The following KRT73 variants were observed in gnomAD, a reference collection of about 807,000 sequenced individuals.
KRT73 encodes keratin, type II cytoskeletal 73.
In KRT73, 44 loss-of-function variants were observed where a neutral mutation model predicts 47.2. The observed-to-expected ratio is 0.93, with a 90% CI of 0.73 to 1.20. The LOEUF is 1.20. Ranked by LOEUF, KRT73 falls within the 50% of genes most tolerant of loss-of-function variation. The pLI, the probability that KRT73 is intolerant of heterozygous loss-of-function variation, is 0.00. For synonymous variants in KRT73, 285 were observed against 291.3 expected (o/e 0.98, Z 0.22); for missense variants, 713 against 704.5 (o/e 1.01, Z -0.14).
At chr12:52,614,273 A>G in intron 4 of KRT73, 1 of 376,342 alleles carries the variant, frequency 2.7e-6, no homozygotes, top group Non-Finnish European at 4.8e-6. Flanking sequence ...CCAAGACCCC[A>G]GGAAACATCC....
chr12:52,626,059 T>G, the KRT73 span, among the ~76,000 whole-genome samples: 3 of 152,244 alleles, frequency 2.0e-5, no homozygotes, highest in Non-Finnish European at 4.4e-5. Flanking sequence ...AAATTTGTGA[T>G]GATGGTAAAG....
In KRT73 at chr12:52,618,277, C is replaced by T. The variant is rs1940850841; in HGVS notation, c.248G>A (p.Gly83Asp). ...FGRGRASGFA[G>D]SMFGSVALGS... is the part of the protein sequence containing the mutation. The stretch of plus-strand genomic sequence containing the variant: ...CAAGGCCACACTGCCAAACATGCTG[C>T]CAGCAAAGCCACTGGCCCGGCCCCG... The change falls in exon 1 of 9, where the codon GGC (glycine) becomes GAC (aspartate). Residue 83 changes from glycine to aspartate, a missense_variant. Coordinates refer to ENST00000305748, the MANE Select transcript of KRT73 (RefSeq NM_175068.3). The T allele has an allele frequency of 1.9e-6, 3 of 1,614,202 alleles. No homozygotes were observed. Among genetic ancestry groups the T allele is most frequent in the Non-Finnish European group, 1.7e-6 (2 of 1,180,034 alleles).
intron 5 of KRT73, among the ~76,000 whole-genome samples, chr12:52,611,847 C>T (rs1940709778): frequency 6.6e-6 from 1 of 152,116 alleles, no homozygotes; most frequent in Admixed American, 6.5e-5. Flanking sequence ...TAGCTAGCTC[C>T]AACTTAACCA....
At position 52,613,757 on chromosome 12, in the gene KRT73, C is replaced by T. The variant is rs1312940565; in HGVS notation, c.915G>A (p.Glu305=). ...CGATCTCCTCATACTGGGCACGGAC[C>T]TCAGCAATGATGCTGTCCAGGTCCA... ...RNLDLDSIIA[E]VRAQYEEIAR... Residue 305 remains glutamate (E), a synonymous_variant, in exon 5 of 9, where the codon GAG becomes GAA. Coordinates refer to ENST00000305748, the MANE Select transcript of KRT73 (RefSeq NM_175068.3). 3 of 1,614,112 alleles carry T rather than the reference C, an allele frequency of 1.9e-6. No individual in the cohort carries two copies. The highest frequency in any genetic ancestry group is 2.7e-5 in the African/African-American group (2 of 74,944).
upstream of KRT73, among the ~76,000 whole-genome samples, chr12:52,619,977 G>T (rs677346): frequency 0.069 from 10,444 of 151,602 alleles, 832 homozygotes; most frequent in Admixed American, 0.16. Context: ...CCTCCCCTCT[G>T]TTTTATACAA....
Position 52,611,313 on chromosome 12 carries a change from A to G in KRT73, c.1001T>C (p.Leu334Pro). ...GTCATCCCCATGCCGGCCGGCTGCT[A>G]GCTGCAGCTCCTGGAACTAGAGGAA... is the stretch of plus-strand genomic sequence containing the variant. Reference protein sequence around the residue: ...LYQTKFQELQLAAGRHGDDLK... With the variant: ...LYQTKFQELQPAAGRHGDDLK... The change falls in exon 6 of 9, where the codon CTA becomes CCA. Residue 334 changes from leucine to proline, a missense_variant. Coordinates refer to ENST00000305748, the MANE Select transcript of KRT73 (RefSeq NM_175068.3). 1 of 1,614,082 alleles carries G rather than the reference A, an allele frequency of 6.2e-7. No homozygotes were observed. Among genetic ancestry groups the G allele is most frequent in the Non-Finnish European group, 8.5e-7 (1 of 1,180,012 alleles).
chr12:52,618,477 G>T lies in KRT73; in HGVS notation c.48C>A (p.Gly16=), dbSNP rs1940858267. The change falls in exon 1 of 9, where the codon GGC becomes GGA. Residue 16 remains glycine (G), a synonymous_variant. Transcript: ENST00000305748. ...AGAGCACAGCGGAGCAGCCGCTGAA[G>T]CCCCCCTTGGCAGCAGCTCCCGACT... ...TYKSGAAAKG[G]FSGCSAVLSG... is the part of the protein sequence containing the mutation. 1 of 1,611,506 alleles carries T rather than the reference G, an allele frequency of 6.2e-7. No individual in the cohort carries two copies. Among genetic ancestry groups the T allele is most frequent in the Non-Finnish European group, 8.5e-7 (1 of 1,178,784 alleles).
the KRT73 span, among the ~76,000 whole-genome samples, chr12:52,626,141 T>C: frequency 2.6e-5 from 4 of 152,256 alleles, no homozygotes; most frequent in Non-Finnish European, 5.9e-5. Context: ...CAATGTTTAC[T>C]GAGCACATTA....
chr12:52,609,402 T>G lies in KRT73; in HGVS notation c.1332-121A>C. Reference sequence around the variant, plus strand: ...AGCTCAGCCTTCACGCACCCCACACTTGCCAGATGGCACTGGCTGCCCTTG... The same window carrying G: ...AGCTCAGCCTTCACGCACCCCACACGTGCCAGATGGCACTGGCTGCCCTTG... On this transcript the variant is annotated intron_variant, in intron 7 of 8. Transcript: ENST00000305748. 3.8e-6 allele frequency: 3 copies of G among 797,510 alleles called. No individual in the cohort carries two copies. In the South Asian group the frequency reaches 4.1e-5, roughly 11 times the overall value. The allele number at this position is 797,510 out of a possible 1,614,324, so 49.4% of individuals were successfully genotyped here. A position where few individuals can be genotyped will look rare whatever the true frequency, so the allele number is the denominator to read the frequency against.
the KRT73 span, among the ~76,000 whole-genome samples, chr12:52,625,758 C>T: frequency 6.6e-6 from 1 of 151,910 alleles, no homozygotes; most frequent in Admixed American, 6.6e-5. Flanking sequence ...GGTGGCAAAC[C>T]GTGGTACATT....
At position 52,615,316 on chromosome 12, in the gene KRT73, C is replaced by T. The variant is rs149939112; in HGVS notation, c.686G>A (p.Arg229His). The change falls in exon 3 of 9, where the codon CGC (arginine) becomes CAC (histidine). Residue 229 changes from arginine to histidine, a missense_variant. By Grantham distance (29) the Arg-to-His change is conservative. Coordinates refer to ENST00000305748, the MANE Select transcript of KRT73 (RefSeq NM_175068.3). Reference sequence around the variant, plus strand: ...CACAAATTCATTCTCAGCAGTTGTGCGCTTGTTTATTTCTTCTTCATACCT... The same window carrying T: ...CACAAATTCATTCTCAGCAGTTGTGTGCTTGTTTATTTCTTCTTCATACCT... The part of the protein sequence containing the change: ...KKRYEEEINK[R>H]TTAENEFVVL... 149 of 1,613,846 alleles carry T rather than the reference C, an allele frequency of 9.2e-5. No homozygotes were observed. The highest frequency in any genetic ancestry group is 1.1e-4 in the Non-Finnish European group (126 of 1,179,932).
chr12:52,625,484 C>T, the KRT73 span, among the ~76,000 whole-genome samples: 1 of 152,156 alleles, frequency 6.6e-6, no homozygotes, highest in Non-Finnish European at 1.5e-5. Flanking sequence ...AGTGGCAACA[C>T]TACATGCTGG....
chr12:52,614,223 G>T (rs1304492093), intron 4 of KRT73: 4 of 341,278 alleles, frequency 1.2e-5, no homozygotes, highest in African/African-American at 2.1e-5. Context: ...AGGCAGAAGG[G>T]GTATGAGGAC....
chr12:52,614,577 AC>A lies in KRT73; in HGVS notation c.819+1del. 1 of 1,610,090 alleles carries A rather than the reference AC, an allele frequency of 6.2e-7. No individual in the cohort carries two copies. The highest frequency in any genetic ancestry group is 8.5e-7 in the Non-Finnish European group (1 of 1,177,100). ...CCAGAGGTGGGGCAGGGGGAGCCTT[AC>A]CCCCTCGTACAGACACTTGAAGAAC... is the stretch of plus-strand genomic sequence containing the variant. On this transcript the variant is annotated splice_donor_variant, in intron 4 of 8. Coordinates refer to ENST00000305748, the MANE Select transcript of KRT73 (RefSeq NM_175068.3). LOFTEE classifies it high-confidence loss of function.
chr12:52,611,292 T>C lies in KRT73; in HGVS notation c.1022A>G (p.Asp341Gly). Residue 341 changes from aspartate (D) to glycine (G), a missense_variant, in exon 6 of 9, where the codon GAT (aspartate) becomes GGT (glycine). Coordinates refer to ENST00000305748, the MANE Select transcript of KRT73 (RefSeq NM_175068.3). ...CTCATTTTTGGTGTGTTTCAGGTCA[T>C]CCCCATGCCGGCCGGCTGCTAGCTG... Reference protein sequence around the residue: ...ELQLAAGRHGDDLKHTKNEIS... With the variant: ...ELQLAAGRHGGDLKHTKNEIS... The C allele has an allele frequency of 2.5e-6, 4 of 1,614,032 alleles. No individual in the cohort carries two copies. Among genetic ancestry groups the C allele is most frequent in the Non-Finnish European group, 3.4e-6 (4 of 1,180,008 alleles).
chr12:52,610,924 G>T, intron 6 of KRT73, 89 bp from the exon 7 acceptor site: 1 of 1,177,242 alleles, frequency 8.5e-7, no homozygotes, highest in Non-Finnish European at 1.2e-6. Flanking sequence ...GCCCTCCTCT[G>T]TCCTGCCCCA....
At chr12:52,611,402 G>C (rs1940700422) in intron 5 of KRT73, 73 bp from the exon 6 acceptor site, 1 of 1,573,410 alleles carries the variant, frequency 6.4e-7, no homozygotes, top group Non-Finnish European at 8.7e-7. Context: ...CAGAGACTGT[G>C]CCTGCACTTG....
At chr12:52,610,936 G>T in intron 6 of KRT73, 101 bp from the exon 7 acceptor site, 1 of 1,108,292 alleles carries the variant, frequency 9.0e-7, no homozygotes, top group Non-Finnish European at 1.3e-6. Context: ...CCTGCCCCAT[G>T]TCCTGGAGCA....
At chr12:52,629,065 C>T in the KRT73 span, among the ~76,000 whole-genome samples, 1 of 152,194 alleles carries the variant, frequency 6.6e-6, no homozygotes, top group African/African-American at 2.4e-5. Context: ...GACCCTCCAG[C>T]TGGCCCCCAA....
Sources: allele counts gnomAD v4.1 joint callset (sites outside exome capture counted in the v4.1 genomes callset), GRCh38; gene constraint gnomAD v4.1.1; transcripts MANE v1.5; gene names NCBI Gene and HGNC (gene_info 2026-07-23, HGNC 2026-07-21).